FER: variants seen among roughly 807,000 people sequenced by gnomAD.
FER encodes the protein tyrosine-protein kinase Fer.
FER carries 63 observed loss-of-function variants against 111.0 expected under a neutral mutation model. The ratio of observed to expected loss-of-function variants is 0.57; its 90% CI spans 0.46 to 0.70. FER has a LOEUF of 0.70. FER is among the 30% of genes least tolerant of loss of function. FER has a pLI of 0.00. For missense variants in FER, 914 were observed against 954.0 expected (o/e 0.96, Z 0.55); for synonymous variants, 327 against 313.9 (o/e 1.04, Z -0.44).
chr5:108,959,333 A>C lies in FER; in HGVS notation c.1642A>C (p.Asn548His), dbSNP rs529885618. ...TAAGAAATCAGGTGTAGTTCTGCTG[A>C]ATCCTATTCCTAAGGTAGGTGCTTA... is the stretch of plus-strand genomic sequence containing the variant. ...ITKKSGVVLL[N>H]PIPKDKKWIL... The change falls in exon 13 of 20, where the codon AAT becomes CAT. Residue 548 changes from asparagine (N) to histidine (H), a missense_variant. Coordinates refer to ENST00000281092, the MANE Select transcript of FER (RefSeq NM_005246.4). 2.5e-6 allele frequency: 4 copies of C among 1,610,614 alleles called. No individual in the cohort carries two copies. In the Admixed American group the frequency reaches 6.7e-5, roughly 27 times the overall value.
intron 17 of FER, among the ~76,000 whole-genome samples, chr5:109,161,706 G>T (rs547261512): frequency 6.6e-6 from 1 of 152,046 alleles, no homozygotes; most frequent in South Asian, 2.1e-4. Flanking sequence ...GAATATACGC[G>T]TATATGTGTA....
chr5:108,990,873 G>A (rs954773906), intron 13 of FER, among the ~76,000 whole-genome samples: 1 of 151,718 alleles, frequency 6.6e-6, no homozygotes, highest in Admixed American at 6.6e-5. Flanking sequence ...TTACATCCAT[G>A]ATTTTTCACA....
At chr5:109,076,863 C>T (rs1729419543) in intron 16 of FER, among the ~76,000 whole-genome samples, 1 of 152,178 alleles carries the variant, frequency 6.6e-6, no homozygotes, top group Non-Finnish European at 1.5e-5. Flanking sequence ...ATTTCAGACA[C>T]TGGTAATCAC....
chr5:108,923,467 T>C (rs1753308035), intron 10 of FER, among the ~76,000 whole-genome samples: 4 of 152,188 alleles, frequency 2.6e-5, no homozygotes, highest in Non-Finnish European at 5.9e-5. Context: ...TCTCTTGCTC[T>C]TTTCTATTTT....
chr5:109,034,709 A>G (rs1231267434), intron 13 of FER, among the ~76,000 whole-genome samples: 1 of 151,792 alleles, frequency 6.6e-6, no homozygotes, highest in Non-Finnish European at 1.5e-5. Context: ...CTACATTTCA[A>G]CCTATTTTTT....
chr5:109,113,939 T>A (rs1235161005), intron 17 of FER, among the ~76,000 whole-genome samples: 1 of 152,110 alleles, frequency 6.6e-6, no homozygotes, highest in African/African-American at 2.4e-5. Context: ...AGGCAACAGA[T>A]GAAACAAGAT....
At chr5:109,077,249 G>T (rs1776449163) in intron 16 of FER, among the ~76,000 whole-genome samples, 1 of 152,154 alleles carries the variant, frequency 6.6e-6, no homozygotes, top group Admixed American at 6.5e-5. Flanking sequence ...TATTCCAAGA[G>T]AAATCCTATT....
chr5:108,957,583 T>C (rs1227516777), intron 12 of FER, among the ~76,000 whole-genome samples: 3 of 151,636 alleles, frequency 2.0e-5, no homozygotes, highest in Non-Finnish European at 4.4e-5. Flanking sequence ...CCATATGATC[T>C]AGCAATCCCA....
intron 10 of FER, among the ~76,000 whole-genome samples, chr5:108,939,135 A>T (rs1483195931): frequency 1.3e-5 from 2 of 151,968 alleles, no homozygotes; most frequent in Non-Finnish European, 1.5e-5. Context: ...TTTATTTGTT[A>T]TGTGCTGAAA....
At chr5:109,055,023 A>G (rs1581824508) in intron 16 of FER, among the ~76,000 whole-genome samples, 2 of 152,224 alleles carry the variant, frequency 1.3e-5, no homozygotes, top group East Asian at 3.8e-4. Flanking sequence ...AAATCCAAAC[A>G]TATACAGTCA....
At chr5:108,754,436 T>C (rs1750859599) in intron 1 of FER, among the ~76,000 whole-genome samples, 1 of 147,960 alleles carries the variant, frequency 6.8e-6, no homozygotes. Flanking sequence ...AAAAATAGTG[T>C]GTAAGTATTG....
At chr5:109,061,444 CTA>C (rs1283117271) in intron 16 of FER, among the ~76,000 whole-genome samples, 1 of 152,080 alleles carries the variant, frequency 6.6e-6, no homozygotes, top group Non-Finnish European at 1.5e-5. Context: ...TACAAAGAAA[CTA>C]TTAAATAAGT....
chr5:108,887,570 TA>T (rs1206527840), intron 9 of FER, among the ~76,000 whole-genome samples: 2 of 151,714 alleles, frequency 1.3e-5, no homozygotes, highest in African/African-American at 2.4e-5. Context: ...GAAATTTTTA[TA>T]AAAAAATTTT....
intron 2 of FER, among the ~76,000 whole-genome samples, chr5:108,780,436 A>G (rs1170206665): frequency 6.8e-6 from 1 of 147,524 alleles, no homozygotes; most frequent in Non-Finnish European, 1.5e-5. Context: ...AATTCACTTC[A>G]CTCCCTTCTT....
intron 13 of FER, among the ~76,000 whole-genome samples, chr5:108,989,125 T>C (rs1232345561): frequency 1.3e-5 from 2 of 152,100 alleles, no homozygotes; most frequent in African/African-American, 4.8e-5. Flanking sequence ...TTTATTTTAC[T>C]GTTGACCTTT....
chr5:108,940,992 G>A (rs1756184769), intron 10 of FER, among the ~76,000 whole-genome samples: 1 of 152,110 alleles, frequency 6.6e-6, no homozygotes, highest in African/African-American at 2.4e-5. Flanking sequence ...TATTAGAGCT[G>A]AAAGTTGTCT....
At chr5:108,944,427 C>CAGA (rs1756702133) in intron 10 of FER, among the ~76,000 whole-genome samples, 1 of 152,120 alleles carries the variant, frequency 6.6e-6, no homozygotes, top group African/African-American at 2.4e-5. Context: ...GAAAATGTAT[C>CAGA]TTGCCATTAC....
chr5:109,121,861 AAGT>A (rs993254089), intron 17 of FER, among the ~76,000 whole-genome samples: 3 of 152,066 alleles, frequency 2.0e-5, no homozygotes, highest in African/African-American at 7.2e-5. Flanking sequence ...CATCTCTTCT[AAGT>A]TTTTAAATGT....
At chr5:109,185,417 GA>G (rs1232555100) in intron 18 of FER, among the ~76,000 whole-genome samples, 6 of 152,158 alleles carry the variant, frequency 3.9e-5, no homozygotes, top group Non-Finnish European at 2.9e-5. Flanking sequence ...AGCAATGAGT[GA>G]AAAAATGAAG....
Sources: allele counts gnomAD v4.1 joint callset (sites outside exome capture counted in the v4.1 genomes callset), GRCh38; gene constraint gnomAD v4.1.1; transcripts MANE v1.5; gene names NCBI Gene and HGNC (gene_info 2026-07-23, HGNC 2026-07-21).